Variants in PCDHGA1 observed in about 807,000 individuals in gnomAD.
PCDHGA1 encodes the protein protocadherin gamma subfamily A, 1, also known as protocadherin gamma-A1.
PCDHGA1 carries 32 observed loss-of-function variants against 58.0 expected under a neutral mutation model. The observed-to-expected ratio is 0.55, with a 90% CI of 0.42 to 0.74. The LOEUF (loss-of-function observed/expected upper bound fraction) is 0.74. PCDHGA1 is among the 30% of genes least tolerant of loss of function. The pLI, the probability that PCDHGA1 is intolerant of heterozygous loss-of-function variation, is 0.00. For synonymous variants in PCDHGA1, 498 were observed against 501.1 expected (o/e 0.99, Z 0.08); for missense variants, 1,205 against 1,182.3 (o/e 1.02, Z -0.28).
At chr5:141,472,980 CAAAA>C (rs60579131) in intron 1 of PCDHGA1, among the ~76,000 whole-genome samples, 3 of 86,106 alleles carry the variant, frequency 3.5e-5, no homozygotes, top group Admixed American at 1.2e-4. Context: ...GAGTGAAACT[CAAAA>C]AAAAAAAAAA....
intron 1 of PCDHGA1, among the ~76,000 whole-genome samples, chr5:141,354,366 A>C (rs1006672709): frequency 2.0e-5 from 3 of 152,242 alleles, no homozygotes; most frequent in African/African-American, 7.2e-5. Flanking sequence ...TGTGAACAAG[A>C]TAGTCATATG....
In PCDHGA1 at chr5:141,340,152, T is replaced by C. The variant is rs762752344; in HGVS notation, c.2421+7047T>C. The C allele has an allele frequency of 1.6e-5, 26 of 1,614,176 alleles. No homozygotes were observed. In the East Asian group the frequency reaches 1.8e-4, roughly 11 times the overall value. ...CTCCCCGAGGATCTTCCTTTTAAGT[T>C]AGAAAAGTCAGTAGACAATTACTAC... On this transcript the variant is annotated intron_variant, in intron 1 of 3. Transcript: ENST00000517417.
intron 1 of PCDHGA1, among the ~76,000 whole-genome samples, chr5:141,488,741 C>A (rs2099678972): frequency 1.3e-5 from 2 of 152,310 alleles, no homozygotes; most frequent in South Asian, 4.1e-4. Context: ...TGAAGTCATG[C>A]AGGAAGTTGC....
chr5:141,357,958 G>A (rs1332570049), intron 1 of PCDHGA1, among the ~76,000 whole-genome samples: 1 of 152,198 alleles, frequency 6.6e-6, no homozygotes, highest in African/African-American at 2.4e-5. Flanking sequence ...GGGAGTGTGA[G>A]GAGGACGGAT....
Position 141,339,609 on chromosome 5 carries a change from T to C in PCDHGA1, c.2421+6504T>C, listed in dbSNP as rs138332940. ...GAGGCTGTTCACCACCTCGTTCTCG[T>C]GGCTTCTGATGGGGGTGACCCAGTG... On this transcript the variant is annotated intron_variant, in intron 1 of 3. Transcript: ENST00000517417. 5 of 1,614,092 alleles carry C rather than the reference T, an allele frequency of 3.1e-6. No homozygotes were observed. The African/African-American group carries it at 4.0e-5, about 13-fold the overall frequency.
intron 1 of PCDHGA1, chr5:141,384,433 G>A (rs1351940709): frequency 6.2e-7 from 1 of 1,613,998 alleles, no homozygotes. Flanking sequence ...CTCTGACACT[G>A]GAGTCCTGTA....
Position 141,486,558 on chromosome 5 carries a change from T to C in PCDHGA1, c.2422-8249T>C, listed in dbSNP as rs544575797. 1 of 1,614,034 alleles carries C rather than the reference T, an allele frequency of 6.2e-7. No homozygotes were observed. Among genetic ancestry groups the C allele is most frequent in the Non-Finnish European group, 8.5e-7 (1 of 1,180,012 alleles). ...TCTTTCTTTCAGAGGTCACATGAGG[T>C]GTTTGTTCCTGAGAACAATCGCCCA... On this transcript the variant is annotated intron_variant, in intron 1 of 3. Coordinates refer to ENST00000517417, the MANE Select transcript of PCDHGA1 (RefSeq NM_018912.3). This position sits in a 1 kb window ranked among gnomAD's most constrained non-coding sequence, Gnocchi z 5.0.
chr5:141,361,443 A>G, intron 1 of PCDHGA1: 1 of 1,613,982 alleles, frequency 6.2e-7, no homozygotes, highest in Non-Finnish European at 8.5e-7. Context: ...CCTCCAGCAT[A>G]ATTGTCACCC....
intron 1 of PCDHGA1, chr5:141,408,367 G>T: frequency 6.2e-7 from 1 of 1,613,998 alleles, no homozygotes; most frequent in Non-Finnish European, 8.5e-7. Context: ...AGGATCTAGG[G>T]CTCAGTGTCC....
Position 141,332,563 on chromosome 5 carries a change from C to T in PCDHGA1, c.1879C>T (p.Arg627Cys). The change falls in exon 1 of 4, where the codon CGC becomes TGC. Residue 627 changes from arginine to cysteine, a missense_variant. Physicochemically the swap from Arg to Cys is radical, Grantham distance 180. Coordinates refer to ENST00000517417, the MANE Select transcript of PCDHGA1 (RefSeq NM_018912.3). The surrounding 1 kb of genome is among the most constrained non-coding windows in gnomAD (Gnocchi z 4.6). ...GGTGGGTCTGCACACGGGCGAGGTG[C>T]GCACGGCGCGAGCCCTGCTGGACAG... ...FSVGLHTGEV[R>C]TARALLDRDA... 2 of 1,612,472 alleles carry T rather than the reference C, an allele frequency of 1.2e-6. No individual in the cohort carries two copies. The highest frequency in any genetic ancestry group is 1.9e-4 in the Middle Eastern group (1 of 5,248).
intron 1 of PCDHGA1, 72 bp from the exon 2 acceptor site, chr5:141,494,735 A>C: frequency 6.2e-7 from 1 of 1,610,712 alleles, no homozygotes; most frequent in Middle Eastern, 1.7e-4. Context: ...CTCCCGGCCC[A>C]TCCCTAGGGG....
chr5:141,410,239 T>C, intron 1 of PCDHGA1: 2 of 1,614,024 alleles, frequency 1.2e-6, no homozygotes, highest in Admixed American at 1.7e-5. Flanking sequence ...GCGACCGCCC[T>C]GTACTCTCTG....
At position 141,491,884 on chromosome 5, in the gene PCDHGA1, G is replaced by A. The variant is rs745931108; in HGVS notation, c.2422-2923G>A. The A allele has an allele frequency of 2.8e-6, 4 of 1,446,372 alleles. No homozygotes were observed. The highest frequency in any genetic ancestry group is 2.9e-5 in the Admixed American group (1 of 34,718). 89.6% of individuals were successfully genotyped at this position (1,446,372 alleles called of 1,614,324 possible). ...AACCAGAGTGGCCGATTAAGGGATG[G>A]GGCTCCGAGCACCGGGGGTGGTGGC... On this transcript the variant is annotated intron_variant, in intron 1 of 3. Coordinates refer to ENST00000517417, the MANE Select transcript of PCDHGA1 (RefSeq NM_018912.3). This position sits in a 1 kb window ranked among gnomAD's most constrained non-coding sequence, Gnocchi z 6.9.
chr5:141,383,273 A>G, intron 1 of PCDHGA1: 1 of 1,613,960 alleles, frequency 6.2e-7, no homozygotes, highest in Non-Finnish European at 8.5e-7. Flanking sequence ...GAAATAATAG[A>G]TATTAATGAC....
Position 141,476,468 on chromosome 5 carries a change from C to T in PCDHGA1, c.2422-18339C>T. 6.2e-7 allele frequency: 1 copy of T among 1,614,132 alleles called. No homozygotes were observed. Among genetic ancestry groups the T allele is most frequent in the Non-Finnish European group, 8.5e-7 (1 of 1,180,022 alleles). On this transcript the variant is annotated intron_variant, in intron 1 of 3. Coordinates refer to ENST00000517417, the MANE Select transcript of PCDHGA1 (RefSeq NM_018912.3). The surrounding 1 kb of genome is among the most constrained non-coding windows in gnomAD (Gnocchi z 7.6). ...GTTGGTAGTGGAGAACCCGCTGGAG[C>T]TGTTCAGCGTGGAAGTGGTGATCCA...
chr5:141,350,545 G>T, intron 1 of PCDHGA1: 1 of 1,614,032 alleles, frequency 6.2e-7, no homozygotes, highest in Non-Finnish European at 8.5e-7. Flanking sequence ...TTTGCGGAAG[G>T]AAACTTGAGT....
intron 1 of PCDHGA1, among the ~76,000 whole-genome samples, chr5:141,456,985 A>C (rs2098902590): frequency 6.6e-6 from 1 of 152,204 alleles, no homozygotes; most frequent in Non-Finnish European, 1.5e-5. Context: ...ACAAACAAAC[A>C]AACAAAAACT....
At chr5:141,356,529 G>A (rs1760245496) in intron 1 of PCDHGA1, 1 of 1,613,670 alleles carries the variant, frequency 6.2e-7, no homozygotes, top group Admixed American at 1.7e-5. Flanking sequence ...TGCAAGTGAT[G>A]GACATCAATG....
intron 1 of PCDHGA1, chr5:141,404,943 T>C: frequency 1.2e-6 from 2 of 1,613,914 alleles, no homozygotes; most frequent in Non-Finnish European, 8.5e-7. Context: ...ACAGTAGCCA[T>C]AGCTGACAGC....
Sources: gnomAD v4.1 joint callset for allele counts (sites outside exome capture counted in the v4.1 genomes callset) on GRCh38, gnomAD v4.1.1 for gene constraint, Gnocchi (gnomAD v3.1) non-coding constraint, MANE v1.5 for transcripts, NCBI Gene and HGNC (gene_info 2026-07-23, HGNC 2026-07-21) for gene names.